The following ATIC variants were observed in gnomAD, a reference collection of about 807,000 sequenced individuals.
ATIC encodes bifunctional purine biosynthesis protein ATIC.
In ATIC, 64 loss-of-function variants were observed where a neutral mutation model predicts 72.5. That is an observed-to-expected ratio of 0.88 (90% CI 0.72 to 1.09). The LOEUF (loss-of-function observed/expected upper bound fraction) is 1.09, where lower values mean the gene tolerates loss of function less well. Among genes scored for constraint, ATIC ranks in the 50% least tolerant of loss-of-function variants. ATIC has a pLI of 0.00. For missense variants in ATIC, 787 were observed against 732.4 expected, an observed-to-expected ratio of 1.07 and a Z score of -0.86; for synonymous variants, 281 against 267.1, an observed-to-expected ratio of 1.05 and a Z score of -0.51.
chr2:215,329,503 T>C (rs1027167225), intron 7 of ATIC, among the ~76,000 whole-genome samples: 2 of 152,182 alleles, frequency 1.3e-5, no homozygotes, highest in Non-Finnish European at 2.9e-5. Context: ...TTCATGTGGT[T>C]TGAGTATTTG....
rs534572394 is a variant in ATIC at position 215,324,156 on chromosome 2, C to T, written c.291-1085C>T. Among the ~76,000 whole-genome samples, 12 of 152,348 alleles carry T rather than the reference C, an allele frequency of 7.9e-5. No homozygotes were observed. In the South Asian group the frequency reaches 2.1e-3, roughly 26 times the overall value. ...AGGTGATCTGCCTGGCTCAGCCTCC[C>T]AAAGTGCTGGGATTATAGGCATGAG... On this transcript the variant is annotated intron_variant, in intron 4 of 15. Transcript: ENST00000236959.
At chr2:215,345,277 T>G in intron 13 of ATIC, 2 of 288,786 alleles carry the variant, frequency 6.9e-6, no homozygotes, top group South Asian at 3.4e-5. Context: ...TTATTTCTTA[T>G]GTTGTCTTAT....
Position 215,325,333 on chromosome 2 carries a change from A to G in ATIC, c.379+4A>G. The stretch of plus-strand genomic sequence containing the variant: ...GCTGTGGAGCAAATTGACATTGGTA[A>G]GTCAGAAAAACCATTTTAGAAGACT... On this transcript the variant is annotated splice_donor_region_variant and intron_variant, in intron 5 of 15. Coordinates refer to ENST00000236959, the MANE Select transcript of ATIC (RefSeq NM_004044.7). 6.2e-7 allele frequency: 1 copy of G among 1,608,524 alleles called. No homozygotes were observed. The highest frequency in any genetic ancestry group is 8.5e-7 in the Non-Finnish European group (1 of 1,174,924).
chr2:215,314,732 C>T (rs2052691042), intron 2 of ATIC, among the ~76,000 whole-genome samples: 1 of 152,010 alleles, frequency 6.6e-6, no homozygotes, highest in Admixed American at 6.6e-5. Context: ...AACTCCTGAC[C>T]TCAAGTGATC....
At chr2:215,359,946 T>G in the ATIC span, among the ~76,000 whole-genome samples, 1 of 151,060 alleles carries the variant, frequency 6.6e-6, no homozygotes, top group African/African-American at 2.4e-5. Flanking sequence ...ATTTATTTAT[T>G]TATGTTTTTT....
intron 7 of ATIC, among the ~76,000 whole-genome samples, chr2:215,331,452 G>A (rs1345357667): frequency 6.9e-6 from 1 of 144,832 alleles, no homozygotes; most frequent in Non-Finnish European, 1.5e-5. Context: ...GCGCGGTTTC[G>A]GCTCACTACA....
chr2:215,343,499 G>C (rs1342985003), intron 12 of ATIC, among the ~76,000 whole-genome samples: 2 of 152,068 alleles, frequency 1.3e-5, no homozygotes, highest in Non-Finnish European at 2.9e-5. Flanking sequence ...ACCACACCTG[G>C]CAAATTTTTA....
At chr2:215,321,360 C>T (rs983837412) in intron 4 of ATIC, among the ~76,000 whole-genome samples, 1 of 896 alleles carries the variant, frequency 1.1e-3, no homozygotes, top group Non-Finnish European at 1.9e-3. Flanking sequence ...TGGTCATACC[C>T]TGTTGTTTAT....
At chr2:215,333,524 A>G in intron 9 of ATIC, 67 bp downstream of exon 9, 2 of 1,318,534 alleles carry the variant, frequency 1.5e-6, no homozygotes, top group Non-Finnish European at 2.1e-6. Flanking sequence ...TAAATAGAAT[A>G]AAGAGGATAG....
At chr2:215,323,149 G>T (rs2052787983) in intron 4 of ATIC, among the ~76,000 whole-genome samples, 1 of 152,122 alleles carries the variant, frequency 6.6e-6, no homozygotes, top group Non-Finnish European at 1.5e-5. Context: ...GTTTCACCGT[G>T]TTCGCCAGGA....
chr2:215,319,331 G>A (rs1210201485), intron 3 of ATIC, among the ~76,000 whole-genome samples: 1 of 152,030 alleles, frequency 6.6e-6, no homozygotes, highest in Non-Finnish European at 1.5e-5. Context: ...CTTGAGCCCA[G>A]GAGTTTAAGA....
chr2:215,325,306 A>C lies in ATIC; in HGVS notation c.356A>C (p.Glu119Ala), dbSNP rs1340738454. The C allele has an allele frequency of 1.9e-6, 3 of 1,613,652 alleles. No individual in the cohort carries two copies. The highest frequency in any genetic ancestry group is 1.7e-5 in the Admixed American group (1 of 60,014). The change falls in exon 5 of 16, where the codon GAG (glutamate) becomes GCG (alanine). Residue 119 changes from glutamate to alanine, a missense_variant. By Grantham distance (107) the Glu-to-Ala change is moderately radical. Coordinates refer to ENST00000236959, the MANE Select transcript of ATIC (RefSeq NM_004044.7). ...GCTTCTCCAGGTGTAACTGTTGAGG[A>C]GGCTGTGGAGCAAATTGACATTGGT... ...TVASPGVTVE[E>A]AVEQIDIGGV...
chr2:215,349,505 C>T (rs374113441), intron 15 of ATIC, 31 bp from the exon 16 acceptor site: 6 of 1,613,878 alleles, frequency 3.7e-6, no homozygotes, highest in East Asian at 2.2e-5. Flanking sequence ...TACATAAAAT[C>T]GCGTTTTGAA....
intron 7 of ATIC, among the ~76,000 whole-genome samples, chr2:215,327,546 G>C (rs2052842533): frequency 6.6e-6 from 1 of 152,204 alleles, no homozygotes; most frequent in South Asian, 2.1e-4. Context: ...GTAGAGTTTA[G>C]AGAGGGTTTT....
At position 215,344,766 on chromosome 2, in the gene ATIC, G is replaced by A. The variant is rs941157860; in HGVS notation, c.1228-13G>A. On this transcript the variant is annotated splice_polypyrimidine_tract_variant and intron_variant, in intron 12 of 15. Coordinates refer to ENST00000236959, the MANE Select transcript of ATIC (RefSeq NM_004044.7). ...AAGGCCCCATGCAATTTACCATTGT[G>A]TATGTGTTTCAGTTGCCAGAGTCTG... is the stretch of plus-strand genomic sequence containing the variant. 7 of 1,610,702 alleles carry A rather than the reference G, an allele frequency of 4.3e-6. No homozygotes were observed. Among genetic ancestry groups the A allele is most frequent in the Non-Finnish European group, 5.1e-6 (6 of 1,177,260 alleles).
intron 2 of ATIC, among the ~76,000 whole-genome samples, chr2:215,316,851 C>T (rs997059981): frequency 6.6e-6 from 1 of 152,164 alleles, no homozygotes; most frequent in Admixed American, 6.5e-5. Flanking sequence ...CAACCTCCGC[C>T]TCCCGGGTTC....
At chr2:215,344,001 G>C (rs887146745) in intron 12 of ATIC, among the ~76,000 whole-genome samples, 3 of 152,186 alleles carry the variant, frequency 2.0e-5, no homozygotes, top group Non-Finnish European at 4.4e-5. Context: ...AAACAAAAGA[G>C]AAAATGATCG....
At chr2:215,317,958 TAA>T (rs550096980) in intron 2 of ATIC, among the ~76,000 whole-genome samples, 197 bp from the exon 3 acceptor site, 25 of 150,680 alleles carry the variant, frequency 1.7e-4, no homozygotes, top group African/African-American at 6.0e-4. Context: ...AGTTAGGAAA[TAA>T]ATTAAATAAA....
intron 7 of ATIC, 84 bp from the exon 8 acceptor site, chr2:215,332,298 G>C (rs2052903971): frequency 1.9e-6 from 3 of 1,559,258 alleles, no homozygotes; most frequent in African/African-American, 1.4e-5. Context: ...CATTTGTTTA[G>C]TCATGTTATT....
Sources: allele counts gnomAD v4.1 joint callset (sites outside exome capture counted in the v4.1 genomes callset), GRCh38; gene constraint gnomAD v4.1.1; transcripts MANE v1.5; gene names NCBI Gene and HGNC (gene_info 2026-07-23, HGNC 2026-07-21).